KIF1B: variants seen among roughly 807,000 people sequenced by gnomAD.
The protein encoded by KIF1B is kinesin family member 1B.
Under a neutral mutation model 241.9 loss-of-function variants are expected in KIF1B, and 76 were observed. That is an observed-to-expected ratio of 0.31 (90% CI 0.26 to 0.38). The LOEUF is 0.38. KIF1B is among the 10% of genes least tolerant of loss of function. The pLI is 1.00. For missense variants in KIF1B, 1,622 were observed against 2,271.4 expected, an observed-to-expected ratio of 0.71 and a Z score of 5.81; for synonymous variants, 750 against 796.7, an observed-to-expected ratio of 0.94 and a Z score of 0.99.
At chr1:10,220,059 G>A (rs1420706497) in intron 1 of KIF1B, among the ~76,000 whole-genome samples, 1 of 151,922 alleles carries the variant, frequency 6.6e-6, no homozygotes, top group Non-Finnish European at 1.5e-5. Context: ...AAAATTAGTT[G>A]GGTGTGGTGG....
chr1:10,367,097 A>G lies in KIF1B; in HGVS notation c.4753-1370A>G, dbSNP rs1269345248. ...GATGAGAAATGATAAAAGCTTTTTA[A>G]AATTTTATTTTTTTTGAGATGGAGT... On this transcript the variant is annotated intron_variant, in intron 43 of 48. Coordinates refer to ENST00000676179, the MANE Select transcript of KIF1B (RefSeq NM_001365951.3). 4.6e-5 allele frequency among the ~76,000 whole-genome samples: 7 copies of G among 152,034 alleles called. No homozygotes were observed. In the East Asian group the frequency reaches 1.4e-3, roughly 30 times the overall value.
In KIF1B at chr1:10,374,936, C is replaced by A; in HGVS notation, c.5179C>A (p.Arg1727=). Residue 1727 remains arginine (R), a synonymous_variant, in exon 47 of 49, where the codon CGG becomes AGG. Transcript: ENST00000676179. This position sits in a 1 kb window ranked among gnomAD's most constrained non-coding sequence, Gnocchi z 4.3. ...NWAKHFVVVR[R]PYVFIYNSDK... The stretch of plus-strand genomic sequence containing the variant: ...GGCTAAACATTTTGTTGTCGTCCGT[C>A]GGCCTTATGTCTTCATCTATAACAG... 1 of 1,614,122 alleles carries A rather than the reference C, an allele frequency of 6.2e-7. No individual in the cohort carries two copies. The highest frequency in any genetic ancestry group is 2.2e-5 in the East Asian group (1 of 44,890).
intron 22 of KIF1B, among the ~76,000 whole-genome samples, chr1:10,309,496 G>A (rs1409577271): frequency 6.8e-6 from 1 of 147,530 alleles, no homozygotes; most frequent in Non-Finnish European, 1.5e-5. Context: ...TCTTGGGTGT[G>A]GATATTTTCC....
chr1:10,215,160 ATATATATATATATTTT>A (rs1259541377), intron 1 of KIF1B, among the ~76,000 whole-genome samples: 22 of 69,724 alleles, frequency 3.2e-4, no homozygotes, highest in African/African-American at 2.0e-3. Flanking sequence ...ATATATATAT[ATATATATATATATTTT>A]TTTTTTTTTT....
chr1:10,290,712 A>G (rs766600980), intron 15 of KIF1B, among the ~76,000 whole-genome samples: 1 of 151,896 alleles, frequency 6.6e-6, no homozygotes, highest in South Asian at 2.1e-4. Flanking sequence ...TCTACTAAAA[A>G]TACAAAAATT....
intron 5 of KIF1B, among the ~76,000 whole-genome samples, chr1:10,265,589 A>C (rs1180537557): frequency 3.9e-5 from 6 of 152,098 alleles, no homozygotes; most frequent in Non-Finnish European, 7.4e-5. Context: ...TCACACCTGT[A>C]ATCCCTGCAC....
At chr1:10,350,727 T>G (rs1466755484) in intron 37 of KIF1B, among the ~76,000 whole-genome samples, 2 of 152,158 alleles carry the variant, frequency 1.3e-5, no homozygotes, top group African/African-American at 4.8e-5. Flanking sequence ...AATAAAGATG[T>G]AATTTTTTTC....
chr1:10,339,363 CTT>C (rs1652303393), intron 31 of KIF1B, among the ~76,000 whole-genome samples: 1 of 152,164 alleles, frequency 6.6e-6, no homozygotes, highest in African/African-American at 2.4e-5. Context: ...ACAACAGACT[CTT>C]ATGTAACTAT....
At chr1:10,315,428 G>A (rs2102288172) in intron 22 of KIF1B, among the ~76,000 whole-genome samples, 1 of 150,568 alleles carries the variant, frequency 6.6e-6, no homozygotes, top group African/African-American at 2.5e-5. Context: ...TGCCTGCCTC[G>A]GCCTCCCAAA....
chr1:10,307,335 A>C, intron 22 of KIF1B: 1 of 988,488 alleles, frequency 1.0e-6, no homozygotes. Flanking sequence ...GTTTTGTGAT[A>C]GTCTTGCTCT....
intron 1 of KIF1B, among the ~76,000 whole-genome samples, chr1:10,226,441 T>G (rs1183465105): frequency 6.6e-6 from 1 of 152,206 alleles, no homozygotes; most frequent in East Asian, 1.9e-4. Flanking sequence ...ACTTTATATC[T>G]AAAGCCCACC....
rs1268054572 is a variant in KIF1B, at chr1:10,376,700, A to G, written c.*113A>G. 5 of 1,061,426 alleles carry G rather than the reference A, an allele frequency of 4.7e-6. No homozygotes were observed. In the Admixed American group the frequency reaches 5.1e-5, roughly 11 times the overall value. The allele number at this position is 1,061,426 out of a possible 1,614,324, so 65.8% of individuals were successfully genotyped here. A position where few individuals can be genotyped will look rare whatever the true frequency, so the allele number is the denominator to read the frequency against. Reference sequence around the variant, plus strand: ...TTGTATGTAATCCTGTGGCTTAACTACTTCTCCCTCCTTGTCCAGCACTTT... The same window carrying G: ...TTGTATGTAATCCTGTGGCTTAACTGCTTCTCCCTCCTTGTCCAGCACTTT... On this transcript the variant is annotated 3_prime_UTR_variant, in exon 49 of 49. Transcript: ENST00000676179.
intron 7 of KIF1B, among the ~76,000 whole-genome samples, chr1:10,269,359 A>T (rs1460813223): frequency 2.0e-5 from 3 of 151,894 alleles, no homozygotes; most frequent in Non-Finnish European, 1.5e-5. Flanking sequence ...CTAAAAATAT[A>T]AAAAAATTGG....
chr1:10,365,540 G>T lies in KIF1B; in HGVS notation c.4644G>T (p.Gln1548His), dbSNP rs199611419. 2.4e-5 allele frequency: 38 copies of T among 1,614,108 alleles called. No individual in the cohort carries two copies. The highest frequency in any genetic ancestry group is 3.3e-4 in the Middle Eastern group (2 of 6,062). Residue 1548 changes from glutamine (Q) to histidine (H), a missense_variant, in exon 43 of 49, where the codon CAG (glutamine) becomes CAT (histidine). Physicochemically the swap from Gln to His is conservative, Grantham distance 24 (BLOSUM62 0). Around this residue, in one of 7 missense-constraint regions of KIF1B, gnomAD observed 357 missense variants for 409.0 expected, o/e 0.87. Transcript: ENST00000676179. This position sits in a 1 kb window ranked among gnomAD's most constrained non-coding sequence, Gnocchi z 4.0. ...TLSTSTSISS[Q>H]ISTTTFESAI... ...GCACCTCCACCAGTATCTCCTCTCA[G>T]ATCTCAACCACTACCTTTGAAAGCG...
chr1:10,272,474 CT>C, intron 9 of KIF1B, 168 bp downstream of exon 9: 1 of 684,858 alleles, frequency 1.5e-6, no homozygotes, highest in East Asian at 2.8e-5. Flanking sequence ...CACAGTTTGA[CT>C]TTGTACTGAA....
chr1:10,236,665 T>C (rs980503554), intron 2 of KIF1B, among the ~76,000 whole-genome samples: 2 of 152,240 alleles, frequency 1.3e-5, no homozygotes, highest in East Asian at 3.8e-4. Flanking sequence ...AACTTTTTTC[T>C]GTAGAATATT....
At chr1:10,211,213 G>A (rs1248723829) in intron 1 of KIF1B, among the ~76,000 whole-genome samples, 3 of 152,224 alleles carry the variant, frequency 2.0e-5, no homozygotes, top group African/African-American at 7.2e-5. Flanking sequence ...GCACGTTGCA[G>A]CCCGGGGGGC....
intron 22 of KIF1B, among the ~76,000 whole-genome samples, chr1:10,302,405 C>T (rs1650586881): frequency 6.6e-6 from 1 of 152,186 alleles, no homozygotes; most frequent in African/African-American, 2.4e-5. Context: ...ATCCTCTGCT[C>T]ATGGAAAGAT....
chr1:10,215,046 A>G (rs867344726), intron 1 of KIF1B, among the ~76,000 whole-genome samples: 13 of 148,818 alleles, frequency 8.7e-5, no homozygotes, highest in South Asian at 2.1e-4. Context: ...CTAATACTCA[A>G]TTGGTACTTT....
Sources: allele counts gnomAD v4.1 joint callset (sites outside exome capture counted in the v4.1 genomes callset), GRCh38; gene constraint gnomAD v4.1.1; regional missense constraint gnomAD v4.1.1; non-coding constraint Gnocchi (gnomAD v3.1); transcripts MANE v1.5; gene names NCBI Gene and HGNC (gene_info 2026-07-23, HGNC 2026-07-21).